MMP8: variants seen among roughly 807,000 people sequenced by gnomAD.
MMP8 encodes the protein matrix metallopeptidase 8.
MMP8 carries 67 observed loss-of-function variants against 51.2 expected under a neutral mutation model. The ratio of observed to expected loss-of-function variants is 1.31; its 90% CI spans 1.08 to 1.60. The LOEUF is 1.60. Among genes scored for constraint, MMP8 ranks in the 40% most tolerant of loss-of-function variants. The pLI, the probability that MMP8 is intolerant of heterozygous loss-of-function variation, is 0.00. For missense variants in MMP8, 654 were observed against 558.1 expected (o/e 1.17, Z -1.73); for synonymous variants, 225 against 191.0 (o/e 1.18, Z -1.47).
Position 102,721,385 on chromosome 11 carries a change from A to G in MMP8, c.622+16T>C, listed in dbSNP as rs915962261. 6.2e-7 allele frequency: 1 copy of G among 1,613,268 alleles called. No individual in the cohort carries two copies. On this transcript the variant is annotated intron_variant, in intron 4 of 9. Transcript: ENST00000236826. ...AATTCAGAAGCTGTGTGTGGACATA[A>G]TCTTGATTAACTTACTTGCGGAGGT...
In MMP8 at chr11:102,713,396, A is replaced by C; in HGVS notation, c.1356T>G (p.Val452=). The change falls in exon 10 of 10, where the codon GTT becomes GTG. Residue 452 remains valine (V), a synonymous_variant. Transcript: ENST00000236826. ...YYAFDLIAQR[V]TRVARGNKWL... ...ATTTATTGCCTCTTGCAACTCTGGT[A>C]ACTCTCTGAGCAATAAGATCAAATG... is the stretch of plus-strand genomic sequence containing the variant. 1 of 1,613,760 alleles carries C rather than the reference A, an allele frequency of 6.2e-7. No individual in the cohort carries two copies. The highest frequency in any genetic ancestry group is 2.2e-5 in the East Asian group (1 of 44,862).
rs1424627156 is a variant in MMP8 at position 102,711,827 on chromosome 11, T to C, written c.*1521A>G. 1 of 152,156 alleles carries C rather than the reference T, an allele frequency of 6.6e-6. No homozygotes were observed. 9.4% of individuals were successfully genotyped at this position (152,156 alleles called of 1,614,324 possible). The stretch of plus-strand genomic sequence containing the variant: ...GAAGTAAAAATCTTTAATTTGAACT[T>C]ATTTAATAGATTATTTTAATTTTTG... On this transcript the variant is annotated 3_prime_UTR_variant, in exon 10 of 10. Coordinates refer to ENST00000236826, the MANE Select transcript of MMP8 (RefSeq NM_002424.3).
chr11:102,721,737 A>G lies in MMP8; in HGVS notation c.373T>C (p.Ser125Pro), dbSNP rs943074643. ...ATAGCTCTTTCTACCTCAGCCTCTG[A>G]CAGCTGTGGGGTATAGTTTCGAATC... ...YRIRNYTPQL[S>P]EAEVERAIKD... Residue 125 changes from serine (S) to proline (P), a missense_variant, in exon 3 of 10, where the codon TCA (serine) becomes CCA (proline). By Grantham distance (74) the Ser-to-Pro change is moderately conservative. Coordinates refer to ENST00000236826, the MANE Select transcript of MMP8 (RefSeq NM_002424.3). 2 of 1,613,610 alleles carry G rather than the reference A, an allele frequency of 1.2e-6. No homozygotes were observed. Among genetic ancestry groups the G allele is most frequent in the African/African-American group, 2.7e-5 (2 of 74,884 alleles).
chr11:102,723,385 G>A (rs1410581895), intron 1 of MMP8: 1 of 379,060 alleles, frequency 2.6e-6, no homozygotes, highest in African/African-American at 2.1e-5. Context: ...GTGAACACCT[G>A]GCACCTTGTC....
intron 5 of MMP8, among the ~76,000 whole-genome samples, chr11:102,717,605 G>A (rs1276390631): frequency 6.6e-6 from 1 of 152,048 alleles, no homozygotes; most frequent in Non-Finnish European, 1.5e-5. Context: ...ACTTCATGGT[G>A]TGCAGCTACC....
rs1486179088 is a variant in MMP8 at position 102,718,560 on chromosome 11, A to G, written c.638T>C (p.Leu213Pro). 11 of 1,613,948 alleles carry G rather than the reference A, an allele frequency of 6.8e-6. No homozygotes were observed. Among genetic ancestry groups the G allele is most frequent in the Non-Finnish European group, 9.3e-6 (11 of 1,179,872 alleles). ...ATGGCCAAATTCATGAGCAGCAACAAGAAACAAGTTGTAATCTGAAATGCA... is the reference window on the plus strand; with the variant it reads ...ATGGCCAAATTCATGAGCAGCAACAGGAAACAAGTTGTAATCTGAAATGCA... ...TNTSANYNLF[L>P]VAAHEFGHSL... is the part of the protein sequence containing the mutation. The change falls in exon 5 of 10, where the codon CTT becomes CCT. Residue 213 changes from leucine (L) to proline (P), a missense_variant. Leu to Pro is a moderately conservative substitution (Grantham distance 98, BLOSUM62 -3). Transcript: ENST00000236826.
At position 102,722,424 on chromosome 11, in the gene MMP8, A is replaced by T. The variant is rs1214442007; in HGVS notation, c.347+5T>A. 1.2e-6 allele frequency: 2 copies of T among 1,613,466 alleles called. No individual in the cohort carries two copies. The highest frequency in any genetic ancestry group is 1.1e-5 in the South Asian group (1 of 91,066). Reference sequence around the variant, plus strand: ...GAGTGTATCCTGAAACCCTAGAGATATCACCTGTAGGTCAAGTTAGTGCGT... The same window carrying T: ...GAGTGTATCCTGAAACCCTAGAGATTTCACCTGTAGGTCAAGTTAGTGCGT... On this transcript the variant is annotated splice_donor_5th_base_variant and intron_variant, in intron 2 of 9. Transcript: ENST00000236826.
intron 7 of MMP8, 53 bp from the exon 8 acceptor site, chr11:102,714,762 TTATATA>T (rs58774554): frequency 0.049 from 8,639 of 175,994 alleles, 323 homozygotes; most frequent in Admixed American, 0.08. Flanking sequence ...TTTTACAAAA[TTATATA>T]TATATATATA....
At position 102,713,025 on chromosome 11, in the gene MMP8, T is replaced by C. The variant is rs1861169757; in HGVS notation, c.*323A>G. 4.8e-6 allele frequency: 1 copy of C among 207,666 alleles called. No individual in the cohort carries two copies. Among genetic ancestry groups the C allele is most frequent in the South Asian group, 9.5e-5 (1 of 10,474 alleles). The allele number at this position is 207,666 out of a possible 1,614,324, so 12.9% of individuals were successfully genotyped here. ...AAACTGAGGGATGTATGAAGTCAGA[T>C]AGGCAAGTAATATAACAATAAATCC... On this transcript the variant is annotated 3_prime_UTR_variant, in exon 10 of 10. Coordinates refer to ENST00000236826, the MANE Select transcript of MMP8 (RefSeq NM_002424.3).
chr11:102,715,435 T>C lies in MMP8; in HGVS notation c.905A>G (p.Tyr302Cys), dbSNP rs1477360389. The change falls in exon 7 of 10, where the codon TAC (tyrosine) becomes TGC (cysteine). Residue 302 changes from tyrosine (Y) to cysteine (C), a missense_variant and splice_region_variant. Physicochemically the swap from Tyr to Cys is radical, Grantham distance 194 (BLOSUM62 -2). Transcript: ENST00000236826. ...TAGCTGAGGATGCCTTCTCCAGAAG[T>C]ACCTAACGGAACATAAGGAAACACA... ...RGEILFFKDRYFWRRHPQLQR... is the reference protein window; with the variant it reads ...RGEILFFKDRCFWRRHPQLQR... The C allele has an allele frequency of 3.1e-6, 5 of 1,611,316 alleles. No individual in the cohort carries two copies. The highest frequency in any genetic ancestry group is 4.2e-6 in the Non-Finnish European group (5 of 1,178,884).
rs140011275 is a variant in MMP8 at position 102,724,778 on chromosome 11, T to C, written c.78A>G (p.Lys26=). 1.9e-4 allele frequency: 299 copies of C among 1,603,562 alleles called. No individual in the cohort carries two copies. Among genetic ancestry groups the C allele is most frequent in the Middle Eastern group, 3.3e-4 (2 of 6,052 alleles). ...CCTGAACAGTTTTTGTATTTTTCTC[T>C]TTAGAAGATACAGGAAAGGCCTTGG... ...QISKAFPVSS[K]EKNTKTVQDY... Residue 26 remains lysine (K), a synonymous_variant, in exon 1 of 10, where the codon AAA becomes AAG. Coordinates refer to ENST00000236826, the MANE Select transcript of MMP8 (RefSeq NM_002424.3).
Position 102,722,685 on chromosome 11 carries a change from C to A in MMP8, c.103-12G>T. 1.9e-6 allele frequency: 3 copies of A among 1,613,112 alleles called. No individual in the cohort carries two copies. Among genetic ancestry groups the A allele is most frequent in the Non-Finnish European group, 2.5e-6 (3 of 1,179,374 alleles). On this transcript the variant is annotated splice_polypyrimidine_tract_variant and intron_variant, in intron 1 of 9. Coordinates refer to ENST00000236826, the MANE Select transcript of MMP8 (RefSeq NM_002424.3). Reference sequence around the variant, plus strand: ...TTTTCCAGGTAGTCCTGGACAAAGACAAGCACATAGGGGTCTTGCTGTGAA... The same window carrying A: ...TTTTCCAGGTAGTCCTGGACAAAGAAAAGCACATAGGGGTCTTGCTGTGAA...
chr11:102,720,476 A>T (rs1227429115), intron 4 of MMP8, among the ~76,000 whole-genome samples: 1 of 152,190 alleles, frequency 6.6e-6, no homozygotes, highest in Non-Finnish European at 1.5e-5. Flanking sequence ...CTTAGGTAGA[A>T]TAGACCCTCG....
chr11:102,718,465 T>C lies in MMP8; in HGVS notation c.733A>G (p.Ser245Gly). Residue 245 changes from serine to glycine, a missense_variant, in exon 5 of 10, where the codon AGC becomes GGC. Coordinates refer to ENST00000236826, the MANE Select transcript of MMP8 (RefSeq NM_002424.3). ...TCATCTTGAGGGAGTGAGTAGTTGC[T>C]GGTTTCCCTGAAAGCATAGTTGGGA... ...MYPNYAFRET[S>G]NYSLPQDDID... is the part of the protein sequence containing the mutation. The C allele has an allele frequency of 6.2e-7, 1 of 1,613,762 alleles. No individual in the cohort carries two copies. Among genetic ancestry groups the C allele is most frequent in the Non-Finnish European group, 8.5e-7 (1 of 1,179,858 alleles).
At chr11:102,720,485 C>T (rs375837202) in intron 4 of MMP8, among the ~76,000 whole-genome samples, 7 of 152,152 alleles carry the variant, frequency 4.6e-5, no homozygotes, top group South Asian at 2.1e-4. Flanking sequence ...AATAGACCCT[C>T]GTAACATACC....
intron 4 of MMP8, among the ~76,000 whole-genome samples, chr11:102,719,864 G>A (rs1250615959): frequency 6.6e-6 from 1 of 152,190 alleles, no homozygotes; most frequent in Non-Finnish European, 1.5e-5. Context: ...TGACAGAGAA[G>A]GAGATACAAA....
At position 102,718,439 on chromosome 11, in the gene MMP8, G is replaced by A; in HGVS notation, c.759C>T (p.Asp253=). 6.2e-7 allele frequency: 1 copy of A among 1,612,974 alleles called. No homozygotes were observed. The highest frequency in any genetic ancestry group is 8.5e-7 in the Non-Finnish European group (1 of 1,179,488). Residue 253 remains aspartate (D), a synonymous_variant, in exon 5 of 10, where the codon GAC becomes GAT. Transcript: ENST00000236826. The part of the protein sequence containing the change: ...ETSNYSLPQD[D]IDGIQAIYGL... ...CATAGATGGCCTGAATGCCATCGAT[G>A]TCATCTTGAGGGAGTGAGTAGTTGC...
rs1565436738 is a variant in MMP8, at chr11:102,715,455, A to C, written c.903-18T>G. ...AGAAGTACCTAACGGAACATAAGGA[A>C]ACACACACACACACTTATACATAAC... On this transcript the variant is annotated intron_variant, in intron 6 of 9. Transcript: ENST00000236826. 2 of 1,604,372 alleles carry C rather than the reference A, an allele frequency of 1.2e-6. No homozygotes were observed. Among genetic ancestry groups the C allele is most frequent in the Non-Finnish European group, 1.7e-6 (2 of 1,175,522 alleles).
intron 1 of MMP8, 68 bp from the exon 2 acceptor site, chr11:102,722,741 C>T: frequency 6.3e-7 from 1 of 1,581,016 alleles, no homozygotes. Flanking sequence ...CATTTTGCAA[C>T]CCTTTCTAAG....
Sources: allele counts gnomAD v4.1 joint callset (sites outside exome capture counted in the v4.1 genomes callset), GRCh38; gene constraint gnomAD v4.1.1; transcripts MANE v1.5; gene names NCBI Gene and HGNC (gene_info 2026-07-23, HGNC 2026-07-21).